Variants in PRKN observed in about 807,000 individuals in gnomAD.
PRKN encodes parkin RBR E3 ubiquitin protein ligase.
In PRKN, 56 loss-of-function variants were observed where a neutral mutation model predicts 59.5. The observed-to-expected ratio is 0.94, with a 90% CI of 0.76 to 1.18. PRKN has a LOEUF of 1.18. Ranked by LOEUF, PRKN falls within the 50% of genes most tolerant of loss-of-function variation. The probability of loss-of-function intolerance (pLI) is 0.00; values close to 1 mark genes in which losing one functional copy is unlikely to be tolerated. For synonymous variants in PRKN, 250 were observed against 222.1 expected (o/e 1.13, Z -1.12); for missense variants, 657 against 596.4 (o/e 1.10, Z -1.06).
At chr6:161,909,019 T>A (rs1778256056) in intron 6 of PRKN, among the ~76,000 whole-genome samples, 1 of 152,212 alleles carries the variant, frequency 6.6e-6, no homozygotes, top group Non-Finnish European at 1.5e-5. Flanking sequence ...GGGCGCTGTG[T>A]CACTCTCAGG....
chr6:161,940,004 T>C (rs189427080), intron 6 of PRKN, among the ~76,000 whole-genome samples: 1 of 152,100 alleles, frequency 6.6e-6, no homozygotes, highest in Admixed American at 6.5e-5. Context: ...GTTCAAACAA[T>C]TCTCTGCCAC....
chr6:162,078,888 A>G (rs1001037216), intron 4 of PRKN, among the ~76,000 whole-genome samples: 5 of 151,692 alleles, frequency 3.3e-5, no homozygotes, highest in Non-Finnish European at 7.4e-5. Context: ...TAATTAATAA[A>G]TACTTTAAAA....
chr6:162,509,759 C>T lies in PRKN; in HGVS notation c.8-66286G>A, dbSNP rs997366693. 6.6e-5 allele frequency among the ~76,000 whole-genome samples: 10 copies of T among 152,192 alleles called. No homozygotes were observed. The South Asian group carries it at 8.3e-4, about 13-fold the overall frequency. ...AAAGTCATTAGTTGTTTTATTACAT[C>T]GTTCTGTTTATTTATTTTTAATAAA... On this transcript the variant is annotated intron_variant, in intron 1 of 11. Transcript: ENST00000366898.
chr6:162,378,643 A>T (rs1325724989), intron 2 of PRKN, among the ~76,000 whole-genome samples: 1 of 152,240 alleles, frequency 6.6e-6, no homozygotes, highest in Admixed American at 6.5e-5. Context: ...CAGAATTCAA[A>T]TGGCCTTTGT....
chr6:161,660,861 A>G lies in PRKN; in HGVS notation c.872-91445T>C, dbSNP rs147143256. On this transcript the variant is annotated intron_variant, in intron 7 of 11. Coordinates refer to ENST00000366898, the MANE Select transcript of PRKN (RefSeq NM_004562.3). ...CCCATTGGATGCTGAATCTCAAACT[A>G]TTGATTTTTACCCAAAACCTGCTCC... Among the ~76,000 whole-genome samples, 633 of 152,240 alleles carry G rather than the reference A, an allele frequency of 4.2e-3. 3 individuals carry two copies. Among genetic ancestry groups the G allele is most frequent in the African/African-American group, 0.014 (602 of 41,546 alleles).
At chr6:161,647,376 G>A (rs1175944560) in intron 7 of PRKN, among the ~76,000 whole-genome samples, 2 of 152,218 alleles carry the variant, frequency 1.3e-5, no homozygotes, top group African/African-American at 2.4e-5. Context: ...TGCTCACCCT[G>A]CAGTGGCTTC....
chr6:161,834,855 T>C (rs1000266223), intron 6 of PRKN, among the ~76,000 whole-genome samples: 1 of 152,152 alleles, frequency 6.6e-6, no homozygotes, highest in East Asian at 1.9e-4. Flanking sequence ...TGTTGTACCA[T>C]TGCCTGCCTG....
chr6:162,040,431 GTTTC>G (rs2128281755), intron 5 of PRKN, among the ~76,000 whole-genome samples: 1 of 149,532 alleles, frequency 6.7e-6, no homozygotes, highest in Admixed American at 6.7e-5. Flanking sequence ...TTGAAATGGA[GTTTC>G]TTTCTTGTTG....
chr6:161,725,911 G>A (rs1038128396), intron 7 of PRKN, among the ~76,000 whole-genome samples: 37 of 152,284 alleles, frequency 2.4e-4, no homozygotes, highest in African/African-American at 8.2e-4. Flanking sequence ...TATACTGTCA[G>A]AGCAGGAGGT....
At chr6:161,870,786 C>T (rs1338506566) in intron 6 of PRKN, among the ~76,000 whole-genome samples, 1 of 152,172 alleles carries the variant, frequency 6.6e-6, no homozygotes, top group African/African-American at 2.4e-5. Context: ...CATGGACCTC[C>T]TCTTCTTTAA....
At position 161,446,427 on chromosome 6, in the gene PRKN, G is replaced by A. The variant is rs1789496533; in HGVS notation, c.1084-59550C>T. ...TGGCTTGGGACCTATGCAGCTGTGG[G>A]AGGGGAAAGGCCCTCCCCGCTACCA... On this transcript the variant is annotated intron_variant, in intron 9 of 11. Transcript: ENST00000366898. The surrounding 1 kb of genome is among the most constrained non-coding windows in gnomAD (Gnocchi z 6.2). 6.6e-6 allele frequency among the ~76,000 whole-genome samples: 1 copy of A among 152,082 alleles called. No homozygotes were observed. The highest frequency in any genetic ancestry group is 6.6e-5 in the Admixed American group (1 of 15,266).
chr6:162,113,455 G>T (rs1780528588), intron 4 of PRKN, among the ~76,000 whole-genome samples: 1 of 152,124 alleles, frequency 6.6e-6, no homozygotes, highest in African/African-American at 2.4e-5. Context: ...ATCTTCTTAA[G>T]TGTCTCACAT....
At chr6:162,059,191 T>A (rs970585609) in intron 4 of PRKN, among the ~76,000 whole-genome samples, 8 of 152,222 alleles carry the variant, frequency 5.3e-5, no homozygotes, top group African/African-American at 1.7e-4. Context: ...TACTATGTTA[T>A]CTGACAAATT....
At chr6:161,663,172 C>G (rs1369590931) in intron 7 of PRKN, among the ~76,000 whole-genome samples, 1 of 152,194 alleles carries the variant, frequency 6.6e-6, no homozygotes, top group Non-Finnish European at 1.5e-5. Flanking sequence ...AACTGTGAGT[C>G]CATTATGCCT....
At chr6:162,441,380 A>T (rs1215603131) in intron 2 of PRKN, among the ~76,000 whole-genome samples, 2 of 152,094 alleles carry the variant, frequency 1.3e-5, no homozygotes, top group Non-Finnish European at 2.9e-5. Flanking sequence ...CCTTTTTGGC[A>T]AGCATTCTCT....
At chr6:162,058,060 A>G (rs900587346) in intron 4 of PRKN, among the ~76,000 whole-genome samples, 3 of 152,148 alleles carry the variant, frequency 2.0e-5, no homozygotes, top group Non-Finnish European at 4.4e-5. Flanking sequence ...GTAGGTTGTG[A>G]TTTGTTCTAC....
intron 2 of PRKN, among the ~76,000 whole-genome samples, chr6:162,281,212 A>G (rs1264851559): frequency 1.3e-5 from 2 of 152,070 alleles, no homozygotes; most frequent in Non-Finnish European, 2.9e-5. Flanking sequence ...TGGGAATTGA[A>G]CAATGAGAAC....
At chr6:162,560,115 T>C (rs1222949678) in intron 1 of PRKN, among the ~76,000 whole-genome samples, 2 of 152,224 alleles carry the variant, frequency 1.3e-5, no homozygotes, top group African/African-American at 4.8e-5. Flanking sequence ...GACATTAATA[T>C]GACTTCTTTC....
At chr6:162,311,646 C>A (rs1396263366) in intron 2 of PRKN, among the ~76,000 whole-genome samples, 1 of 151,738 alleles carries the variant, frequency 6.6e-6, no homozygotes, top group East Asian at 2.0e-4. Context: ...CCATGCCCAG[C>A]TAATTTTTTG....
Sources: allele counts gnomAD v4.1 joint callset (sites outside exome capture counted in the v4.1 genomes callset), GRCh38; gene constraint gnomAD v4.1.1; non-coding constraint Gnocchi (gnomAD v3.1); transcripts MANE v1.5; gene names NCBI Gene and HGNC (gene_info 2026-07-23, HGNC 2026-07-21).